Variants in CYP19A1 observed in about 807,000 individuals in gnomAD.
CYP19A1 encodes cytochrome P450 family 19 subfamily A member 1.
Under a neutral mutation model 44.4 loss-of-function variants are expected in CYP19A1, and 32 were observed. That is an observed-to-expected ratio of 0.72 (90% CI 0.54 to 0.97). CYP19A1 has a LOEUF of 0.97. Among genes scored for constraint, CYP19A1 ranks in the 50% least tolerant of loss-of-function variants. The pLI, the probability that CYP19A1 is intolerant of heterozygous loss-of-function variation, is 0.00. For missense variants in CYP19A1, 598 were observed against 637.8 expected (o/e 0.94, Z 0.67); for synonymous variants, 212 against 215.6 (o/e 0.98, Z 0.14).
Position 51,242,913 on chromosome 15 carries a change from C to G in CYP19A1, c.-1G>C, listed in dbSNP as rs1429092271. 1 of 1,608,126 alleles carries G rather than the reference C, an allele frequency of 6.2e-7. No homozygotes were observed. Among genetic ancestry groups the G allele is most frequent in the East Asian group, 2.2e-5 (1 of 44,856 alleles). On this transcript the variant is annotated 5_prime_UTR_variant, in exon 2 of 10. Coordinates refer to ENST00000396402, the MANE Select transcript of CYP19A1 (RefSeq NM_000103.4). ...TCGGGTTCAGCATTTCCAAAACCAT[C>G]TTGTGTTCCTTGACCTCAGAGGGGG... is the stretch of plus-strand genomic sequence containing the variant.
intron 3 of CYP19A1, among the ~76,000 whole-genome samples, chr15:51,228,300 C>T (rs190697708): frequency 6.6e-6 from 1 of 152,200 alleles, no homozygotes. Flanking sequence ...GCCAGAAGAA[C>T]CTCCAGCCTC....
At chr15:51,263,192 CAAAA>C (rs766947407) in intron 1 of CYP19A1, among the ~76,000 whole-genome samples, 2 of 151,840 alleles carry the variant, frequency 1.3e-5, no homozygotes, top group Non-Finnish European at 2.9e-5. Flanking sequence ...ATAAAACAAA[CAAAA>C]AACCCCTATT....
At chr15:51,271,934 T>C (rs1244921635) in intron 1 of CYP19A1, among the ~76,000 whole-genome samples, 1 of 152,260 alleles carries the variant, frequency 6.6e-6, no homozygotes, top group Non-Finnish European at 1.5e-5. Context: ...CAGTTCTTCG[T>C]TATCTGTTCA....
At chr15:51,319,751 G>A (rs1566925122) in intron 1 of CYP19A1, among the ~76,000 whole-genome samples, 1 of 152,354 alleles carries the variant, frequency 6.6e-6, no homozygotes, top group Non-Finnish European at 1.5e-5. Context: ...AGCCCTGCAC[G>A]TGTGCAAGCT....
intron 1 of CYP19A1, among the ~76,000 whole-genome samples, chr15:51,273,242 C>T (rs1451662927): frequency 2.0e-5 from 3 of 152,134 alleles, no homozygotes; most frequent in African/African-American, 7.2e-5. Flanking sequence ...AGCCACCACA[C>T]CCGACCCCCT....
chr15:51,223,168 G>A (rs756516659), intron 4 of CYP19A1, among the ~76,000 whole-genome samples: 3 of 146,272 alleles, frequency 2.1e-5, no homozygotes, highest in Non-Finnish European at 2.9e-5. Context: ...ACTGAACTGA[G>A]AGCTCTTTAA....
intron 1 of CYP19A1, among the ~76,000 whole-genome samples, chr15:51,304,332 T>C (rs1045188015): frequency 6.6e-6 from 1 of 152,194 alleles, no homozygotes; most frequent in Non-Finnish European, 1.5e-5. Flanking sequence ...CACTCATCTC[T>C]TTTTAGCCCT....
At chr15:51,271,635 T>G (rs1465414818) in intron 1 of CYP19A1, among the ~76,000 whole-genome samples, 1 of 152,212 alleles carries the variant, frequency 6.6e-6, no homozygotes, top group Non-Finnish European at 1.5e-5. Flanking sequence ...CCCACCATCC[T>G]TTTGGTTTTC....
At chr15:51,311,209 G>A (rs904905827) in intron 1 of CYP19A1, among the ~76,000 whole-genome samples, 6 of 152,030 alleles carry the variant, frequency 3.9e-5, no homozygotes, top group African/African-American at 1.2e-4. Context: ...ATCATCCTGC[G>A]TGACATAAAG....
chr15:51,285,014 T>C (rs1307571352), intron 1 of CYP19A1, among the ~76,000 whole-genome samples: 5 of 152,208 alleles, frequency 3.3e-5, no homozygotes, highest in Non-Finnish European at 5.9e-5. Context: ...TGGAAAGTTC[T>C]ACCTCATGGA....
chr15:51,236,778 G>C (rs2033417969), intron 3 of CYP19A1, 81 bp downstream of exon 3: 10 of 1,520,558 alleles, frequency 6.6e-6, no homozygotes, highest in Non-Finnish European at 8.2e-6. Flanking sequence ...AAGACATCAA[G>C]ATTCAAAATA....
intron 1 of CYP19A1, among the ~76,000 whole-genome samples, chr15:51,276,907 G>C (rs2035328624): frequency 6.6e-6 from 1 of 152,012 alleles, no homozygotes; most frequent in Non-Finnish European, 1.5e-5. Flanking sequence ...TGAATGCCCT[G>C]ACCCATTACC....
At chr15:51,270,733 A>G (rs527618376) in intron 1 of CYP19A1, among the ~76,000 whole-genome samples, 8 of 152,210 alleles carry the variant, frequency 5.3e-5, no homozygotes, top group Non-Finnish European at 1.2e-4. Context: ...GGAAAGACCA[A>G]AATCCATCCG....
At chr15:51,330,407 A>C (rs1333199278) in intron 1 of CYP19A1, among the ~76,000 whole-genome samples, 2 of 152,328 alleles carry the variant, frequency 1.3e-5, no homozygotes, top group Non-Finnish European at 2.9e-5. Context: ...ATACACATAC[A>C]CCTGTAAACA....
intron 1 of CYP19A1, among the ~76,000 whole-genome samples, chr15:51,268,651 T>G (rs1416999068): frequency 1.3e-5 from 2 of 152,120 alleles, no homozygotes; most frequent in Non-Finnish European, 1.5e-5. Context: ...AGGTGTATAT[T>G]TAACTTTTTA....
At chr15:51,293,972 CCGCCACCCCG>C in intron 1 of CYP19A1, 2 of 207,354 alleles carry the variant, frequency 9.6e-6, no homozygotes, top group Non-Finnish European at 1.9e-5. Flanking sequence ...CTCTGCCCGG[CCGCCACCCCG>C]TCTGGGAAGT....
chr15:51,248,039 T>G (rs2034143572), intron 1 of CYP19A1, among the ~76,000 whole-genome samples: 1 of 152,166 alleles, frequency 6.6e-6, no homozygotes, highest in Non-Finnish European at 1.5e-5. Flanking sequence ...TTGCCAAAAA[T>G]TACCCTACCT....
chr15:51,327,922 A>C (rs969774167), intron 1 of CYP19A1, among the ~76,000 whole-genome samples: 2 of 152,222 alleles, frequency 1.3e-5, no homozygotes, highest in African/African-American at 4.8e-5. Context: ...TATAATCAAG[A>C]AAGAAAGAAA....
chr15:51,299,846 G>A (rs912691554), intron 1 of CYP19A1, among the ~76,000 whole-genome samples: 1 of 152,172 alleles, frequency 6.6e-6, no homozygotes, highest in Non-Finnish European at 1.5e-5. Flanking sequence ...TGGTTGTTGA[G>A]TCCAGAAGAG....
Sources: gnomAD v4.1 joint callset for allele counts (sites outside exome capture counted in the v4.1 genomes callset) on GRCh38, gnomAD v4.1.1 for gene constraint, MANE v1.5 for transcripts, NCBI Gene and HGNC (gene_info 2026-07-23, HGNC 2026-07-21) for gene names.